Variants in DNAH9 observed in about 807,000 individuals in gnomAD.
DNAH9 encodes the protein DNAH9 variant protein.
In DNAH9, 345 loss-of-function variants were observed where a neutral mutation model predicts 471.6. That is an observed-to-expected ratio of 0.73 (90% CI 0.67 to 0.80). The LOEUF is 0.80. DNAH9 is among the 30% of genes least tolerant of loss of function. DNAH9 has a pLI of 0.00. For synonymous variants in DNAH9, 2,093 were observed against 2,123.6 expected, an observed-to-expected ratio of 0.99 and a Z score of 0.40; for missense variants, 5,407 against 5,609.2, an observed-to-expected ratio of 0.96 and a Z score of 1.15.
intron 6 of DNAH9, among the ~76,000 whole-genome samples, chr17:11,629,086 CTT>C (rs58325408): frequency 1.7e-3 from 240 of 144,286 alleles, no homozygotes; most frequent in African/African-American, 5.3e-3. Context: ...GATTTTAACT[CTT>C]TTTTTTTTTT....
In DNAH9 at chr17:11,902,776, A is replaced by C. The variant is rs765021682; in HGVS notation, c.11464A>C (p.Lys3822Gln). ...NLDRDIEGSAKSWKKFVESEC... is the reference protein window; with the variant it reads ...NLDRDIEGSAQSWKKFVESEC... ...GGATCGGGACATAGAGGGATCTGCT[A>C]AGAGCTGGAAAAAGTTTGTGGAGTC... is the stretch of plus-strand genomic sequence containing the variant. The change falls in exon 60 of 69, where the codon AAG becomes CAG. Residue 3822 changes from lysine to glutamine, a missense_variant. Around this residue, in one of 3 missense-constraint regions of DNAH9, gnomAD observed 4,636 missense variants for 4,900.3 expected, o/e 0.95. Transcript: ENST00000262442. 17 of 1,613,930 alleles carry C rather than the reference A, an allele frequency of 1.1e-5. No individual in the cohort carries two copies. Among genetic ancestry groups the C allele is most frequent in the Non-Finnish European group, 1.4e-5 (17 of 1,179,900 alleles).
intron 14 of DNAH9, among the ~76,000 whole-genome samples, chr17:11,662,398 T>C (rs1465882145): frequency 6.6e-6 from 1 of 152,178 alleles, no homozygotes; most frequent in East Asian, 1.9e-4. Flanking sequence ...TGTGTTATTT[T>C]CTGAGTCTAT....
rs1976300900 is a variant in DNAH9 at position 11,962,472 on chromosome 17, G to A, written c.13233+216G>A. Among the ~76,000 whole-genome samples, 1 of 152,160 alleles carries A rather than the reference G, an allele frequency of 6.6e-6. No individual in the cohort carries two copies. The highest frequency in any genetic ancestry group is 2.1e-4 in the South Asian group (1 of 4,834). ...GTAGAGTGGAGAGGTTAATAGCAAGGGCTTTGGAACCAGACTGGCTGGGTC... is the reference window on the plus strand; with the variant it reads ...GTAGAGTGGAGAGGTTAATAGCAAGAGCTTTGGAACCAGACTGGCTGGGTC... On this transcript the variant is annotated intron_variant, in intron 68 of 68. Coordinates refer to ENST00000262442, the MANE Select transcript of DNAH9 (RefSeq NM_001372.4). This position sits in a 1 kb window ranked among gnomAD's most constrained non-coding sequence, Gnocchi z 4.1.
intron 12 of DNAH9, among the ~76,000 whole-genome samples, chr17:11,649,737 T>C (rs574704163): frequency 1.5e-4 from 23 of 152,342 alleles, no homozygotes; most frequent in Non-Finnish European, 2.5e-4. Flanking sequence ...TCAATTTGCA[T>C]GTATTTGATT....
chr17:11,815,203 T>TC (rs538243068), intron 45 of DNAH9, among the ~76,000 whole-genome samples: 1 of 151,292 alleles, frequency 6.6e-6, no homozygotes, highest in East Asian at 1.9e-4. Context: ...TAAACTGTTT[T>TC]TTTTTTTCTT....
At chr17:11,819,543 G>A (rs1597692702) in intron 45 of DNAH9, among the ~76,000 whole-genome samples, 1 of 150,642 alleles carries the variant, frequency 6.6e-6, no homozygotes, top group East Asian at 1.9e-4. Context: ...TCAGCCTTCT[G>A]AATAGCTGAG....
chr17:11,773,513 A>G (rs565977433), intron 38 of DNAH9, among the ~76,000 whole-genome samples: 77 of 152,194 alleles, frequency 5.1e-4, no homozygotes, highest in African/African-American at 1.7e-3. Context: ...AAAAAGAAAT[A>G]TATAAAAATT....
chr17:11,864,383 G>T (rs1327417022), intron 50 of DNAH9, among the ~76,000 whole-genome samples: 1 of 152,170 alleles, frequency 6.6e-6, no homozygotes, highest in South Asian at 2.1e-4. Flanking sequence ...TATGGTCTGA[G>T]AGATAGTTTG....
chr17:11,640,761 G>T (rs2073256363), intron 10 of DNAH9, among the ~76,000 whole-genome samples: 1 of 152,192 alleles, frequency 6.6e-6, no homozygotes, highest in Admixed American at 6.5e-5. Flanking sequence ...CTCAAGTGCA[G>T]TATGAGGTCT....
intron 22 of DNAH9, among the ~76,000 whole-genome samples, chr17:11,696,338 T>C (rs185082073): frequency 4.6e-5 from 7 of 152,324 alleles, no homozygotes; most frequent in Non-Finnish European, 1.0e-4. Flanking sequence ...ATTTGCATCA[T>C]ACTCCATGGA....
rs140080299 is a variant in DNAH9, at chr17:11,617,992, C to T, written c.1116+370C>T. ...TAGAGTCAGGCGATGCTGTACCAAT[C>T]CCTGGCTTTGCCACTTGGCAGCCAG... On this transcript the variant is annotated intron_variant, in intron 5 of 68. Transcript: ENST00000262442. 2.0e-3 allele frequency among the ~76,000 whole-genome samples: 301 copies of T among 152,342 alleles called. 2 individuals are homozygous for T. The highest frequency in any genetic ancestry group is 3.4e-3 in the Middle Eastern group (1 of 294).
At chr17:11,960,653 G>A (rs1051076020) in intron 67 of DNAH9, among the ~76,000 whole-genome samples, 4 of 151,534 alleles carry the variant, frequency 2.6e-5, no homozygotes, top group Non-Finnish European at 5.9e-5. Flanking sequence ...CAGCTACTCA[G>A]GAAGCTGAGG....
At chr17:11,906,133 T>A (rs1416293930) in intron 61 of DNAH9, among the ~76,000 whole-genome samples, 1 of 152,128 alleles carries the variant, frequency 6.6e-6, no homozygotes, top group Non-Finnish European at 1.5e-5. Context: ...GGCCCCACAG[T>A]GTGGCGATTC....
At chr17:11,833,975 C>G (rs1352922372) in intron 48 of DNAH9, among the ~76,000 whole-genome samples, 4 of 152,076 alleles carry the variant, frequency 2.6e-5, no homozygotes, top group Admixed American at 1.3e-4. Flanking sequence ...GTACATGAAG[C>G]TTTATAAGCA....
intron 10 of DNAH9, among the ~76,000 whole-genome samples, chr17:11,643,246 T>G (rs765054307): frequency 2.0e-5 from 3 of 152,380 alleles, no homozygotes; most frequent in Non-Finnish European, 4.4e-5. Context: ...CCTCCATTTG[T>G]GTGTGCACAC....
At position 11,723,817 on chromosome 17, in the gene DNAH9, G is replaced by A. The variant is rs373964682; in HGVS notation, c.5710-4001G>A. On this transcript the variant is annotated intron_variant, in intron 27 of 68. Coordinates refer to ENST00000262442, the MANE Select transcript of DNAH9 (RefSeq NM_001372.4). ...CGAGTAGCTTGGACTACAGGCGCCC[G>A]CCACCACGCCTGGCTAATTGGTTTT... Among the ~76,000 whole-genome samples the A allele has an allele frequency of 6.6e-4, 100 of 151,916 alleles. 2 individuals are homozygous for A. Among genetic ancestry groups the A allele is most frequent in the East Asian group, 2.4e-3 (12 of 5,100 alleles).
At position 11,712,628 on chromosome 17, in the gene DNAH9, A is replaced by T. The variant is rs2322048; in HGVS notation, c.5553-6706A>T. ...TTTATAGCCATTCTGGTGGCTGTTA[A>T]GTAATATGACATTTGGACTTTAATT... On this transcript the variant is annotated intron_variant, in intron 26 of 68. Coordinates refer to ENST00000262442, the MANE Select transcript of DNAH9 (RefSeq NM_001372.4). Among the ~76,000 whole-genome samples the T allele has an allele frequency of 3.1e-3, 464 of 152,008 alleles. 6 individuals carry two copies. The highest frequency in any genetic ancestry group is 1.0e-3 in the Non-Finnish European group (69 of 67,950).
intron 58 of DNAH9, among the ~76,000 whole-genome samples, chr17:11,894,084 A>G (rs576069996): frequency 6.6e-6 from 1 of 152,284 alleles, no homozygotes; most frequent in East Asian, 1.9e-4. Flanking sequence ...GATTGCAGAA[A>G]CATACTCCAT....
At chr17:11,732,498 C>T (rs971280530) in intron 28 of DNAH9, among the ~76,000 whole-genome samples, 3 of 151,974 alleles carry the variant, frequency 2.0e-5, no homozygotes, top group East Asian at 1.9e-4. Context: ...ACTGCTTGTC[C>T]GTCTGTGCTC....
Sources: gnomAD v4.1 joint callset for allele counts (sites outside exome capture counted in the v4.1 genomes callset) on GRCh38, gnomAD v4.1.1 for gene constraint, gnomAD v4.1.1 regional missense constraint, Gnocchi (gnomAD v3.1) non-coding constraint, MANE v1.5 for transcripts, NCBI Gene and HGNC (gene_info 2026-07-23, HGNC 2026-07-21) for gene names.